Variants in ADAMTSL1 observed in about 807,000 individuals in gnomAD.
The protein encoded by ADAMTSL1 is ADAMTS like 1, also known as ADAMTS-like protein 1.
Under a neutral mutation model 201.8 loss-of-function variants are expected in ADAMTSL1, and 126 were observed. That is an observed-to-expected ratio of 0.62 (90% CI 0.54 to 0.72). The LOEUF (loss-of-function observed/expected upper bound fraction) is 0.72. ADAMTSL1 is among the 30% of genes least tolerant of loss of function. The pLI is 0.00. For missense variants in ADAMTSL1, 2,679 were observed against 2,277.8 expected (o/e 1.18, Z -3.59); for synonymous variants, 1,121 against 903.4 (o/e 1.24, Z -4.32).
chr9:17,979,762 C>G (rs1367192489), intron 1 of ADAMTSL1, among the ~76,000 whole-genome samples: 1 of 152,096 alleles, frequency 6.6e-6, no homozygotes, highest in Non-Finnish European at 1.5e-5. Context: ...TCAGGAGTTC[C>G]AGACTGGCTT....
chr9:18,032,592 A>T (rs1281350169), intron 1 of ADAMTSL1, among the ~76,000 whole-genome samples: 2 of 152,152 alleles, frequency 1.3e-5, no homozygotes, highest in South Asian at 4.1e-4. Flanking sequence ...GGCAGTCAGC[A>T]GGGGCTGCAG....
intron 2 of ADAMTSL1, among the ~76,000 whole-genome samples, chr9:18,360,142 G>A (rs1373552901): frequency 3.3e-5 from 5 of 152,090 alleles, no homozygotes; most frequent in Non-Finnish European, 7.4e-5. Flanking sequence ...AGGTTCCTGT[G>A]TCTGGTGTAG....
intron 2 of ADAMTSL1, among the ~76,000 whole-genome samples, chr9:18,364,689 A>T (rs1366369422): frequency 2.6e-5 from 4 of 152,192 alleles, no homozygotes; most frequent in Non-Finnish European, 5.9e-5. Context: ...ATTTATAAAG[A>T]AAAGAGGTTT....
intron 22 of ADAMTSL1, among the ~76,000 whole-genome samples, chr9:18,827,701 G>A (rs1322557700): frequency 6.6e-6 from 1 of 152,186 alleles, no homozygotes; most frequent in Non-Finnish European, 1.5e-5. Flanking sequence ...AAGATGTATG[G>A]CTGCTACTGT....
chr9:18,106,158 A>G (rs1564003705), intron 1 of ADAMTSL1, among the ~76,000 whole-genome samples: 1 of 152,188 alleles, frequency 6.6e-6, no homozygotes, highest in African/African-American at 2.4e-5. Context: ...GGGGAGTCAC[A>G]CTGCTTAAGG....
At chr9:18,252,460 C>T (rs1258712702) in intron 2 of ADAMTSL1, among the ~76,000 whole-genome samples, 2 of 152,002 alleles carry the variant, frequency 1.3e-5, no homozygotes, top group Non-Finnish European at 2.9e-5. Context: ...AAATGGTATA[C>T]TATTTGCATA....
intron 1 of ADAMTSL1, among the ~76,000 whole-genome samples, chr9:17,973,937 G>T (rs555432932): frequency 1.3e-5 from 2 of 151,166 alleles, no homozygotes; most frequent in East Asian, 2.0e-4. Context: ...ATTGTGAATG[G>T]GAGTTCACTC....
intron 17 of ADAMTSL1, among the ~76,000 whole-genome samples, chr9:18,774,234 A>G (rs1351495265): frequency 6.6e-6 from 1 of 151,538 alleles, no homozygotes; most frequent in Admixed American, 6.6e-5. Flanking sequence ...TTCTCAAAAC[A>G]CCTCTTTCAT....
rs142122313 is a variant in ADAMTSL1, at chr9:18,369,614, A to C, written c.208-135215A>C. Among the ~76,000 whole-genome samples the C allele has an allele frequency of 1.4e-4, 21 of 152,346 alleles. No individual in the cohort carries two copies. The South Asian group carries it at 1.9e-3, about 14-fold the overall frequency. On this transcript the variant is annotated intron_variant, in intron 2 of 29. Transcript: ENST00000680146. ...AATAGAACTACCATTAGACCCATCTATCCTACTACTGTGTATCTACTCAAA... is the reference window on the plus strand; with the variant it reads ...AATAGAACTACCATTAGACCCATCTCTCCTACTACTGTGTATCTACTCAAA...
intron 23 of ADAMTSL1, among the ~76,000 whole-genome samples, chr9:18,880,851 C>A (rs1415067439): frequency 1.3e-5 from 2 of 152,142 alleles, no homozygotes; most frequent in Non-Finnish European, 1.5e-5. Context: ...AAGAGTGTTT[C>A]ATCTACACTG....
In ADAMTSL1 at chr9:18,718,409, A is replaced by T. The variant is rs1014380478; in HGVS notation, c.1877-3127A>T. ...GTGCATCTACTTCAACTTGCTTTCTATAAGAATCTTCTATCATAGGACATA... is the reference window on the plus strand; with the variant it reads ...GTGCATCTACTTCAACTTGCTTTCTTTAAGAATCTTCTATCATAGGACATA... On this transcript the variant is annotated intron_variant, in intron 14 of 28. Transcript: ENST00000380548. 100 of 681,576 alleles carry T rather than the reference A, an allele frequency of 1.5e-4. 1 individual carries two copies. The highest frequency in any genetic ancestry group is 1.2e-3 in the South Asian group (89 of 73,572). 42.2% of individuals were successfully genotyped at this position (681,576 alleles called of 1,614,324 possible).
intron 23 of ADAMTSL1, among the ~76,000 whole-genome samples, chr9:18,842,203 C>T (rs1252297559): frequency 2.6e-5 from 4 of 151,866 alleles, no homozygotes; most frequent in African/African-American, 2.4e-5. Context: ...CTAGTCACTG[C>T]TTTGAATGTG....
intron 2 of ADAMTSL1, among the ~76,000 whole-genome samples, chr9:18,532,677 G>A (rs1819519108): frequency 6.6e-6 from 1 of 151,792 alleles, no homozygotes; most frequent in African/African-American, 2.4e-5. Flanking sequence ...AAATAATAGT[G>A]ATTGTCTTTA....
At chr9:18,033,224 T>A (rs1411572982) in intron 1 of ADAMTSL1, among the ~76,000 whole-genome samples, 1 of 152,238 alleles carries the variant, frequency 6.6e-6, no homozygotes, top group African/African-American at 2.4e-5. Flanking sequence ...ATTCTTATGG[T>A]ACCACTTTAA....
intron 1 of ADAMTSL1, among the ~76,000 whole-genome samples, chr9:17,942,998 T>C (rs1393606548): frequency 1.3e-5 from 2 of 152,168 alleles, no homozygotes; most frequent in Non-Finnish European, 2.9e-5. Flanking sequence ...CATGGCTTAC[T>C]GCAGCCTCAA....
At chr9:17,991,263 G>T (rs976206640) in intron 1 of ADAMTSL1, among the ~76,000 whole-genome samples, 1 of 152,078 alleles carries the variant, frequency 6.6e-6, no homozygotes, top group Non-Finnish European at 1.5e-5. Context: ...TGGCTGCTCT[G>T]GAAGCAGTGT....
intron 5 of ADAMTSL1, among the ~76,000 whole-genome samples, chr9:18,631,352 C>A (rs377117168): frequency 6.6e-6 from 1 of 152,252 alleles, no homozygotes; most frequent in East Asian, 1.9e-4. Flanking sequence ...GCCTCAGATG[C>A]TCAACTTCTT....
chr9:17,960,898 C>A (rs139657269), intron 1 of ADAMTSL1, among the ~76,000 whole-genome samples: 4 of 152,194 alleles, frequency 2.6e-5, no homozygotes, highest in African/African-American at 9.6e-5. Context: ...GACTGTTCAC[C>A]CATTTTTCCT....
At chr9:18,806,635 C>T (rs1823137173) in intron 20 of ADAMTSL1, among the ~76,000 whole-genome samples, 1 of 152,182 alleles carries the variant, frequency 6.6e-6, no homozygotes, top group Admixed American at 6.5e-5. Flanking sequence ...TTTTCAAACA[C>T]ATATGTTCAG....
Sources: gnomAD v4.1 joint callset for allele counts (sites outside exome capture counted in the v4.1 genomes callset) on GRCh38, gnomAD v4.1.1 for gene constraint, MANE v1.5 for transcripts, NCBI Gene and HGNC (gene_info 2026-07-23, HGNC 2026-07-21) for gene names.